The following BCAS3 variants were observed in gnomAD, a reference collection of about 807,000 sequenced individuals.
The protein encoded by BCAS3 is BCAS4/BCAS3 fusion.
In BCAS3, 53 loss-of-function variants were observed where a neutral mutation model predicts 116.1. That is an observed-to-expected ratio of 0.46 (90% CI 0.37 to 0.57). BCAS3 has a LOEUF of 0.57. Among genes scored for constraint, BCAS3 ranks in the 20% least tolerant of loss-of-function variants. BCAS3 has a pLI of 0.00. For missense variants in BCAS3, 917 were observed against 1,165.4 expected (o/e 0.79, Z 3.10); for synonymous variants, 391 against 408.2 (o/e 0.96, Z 0.51).
rs35764675 is a variant in BCAS3, at chr17:61,173,449, C to CAA, written c.2425+88897_2425+88898dup. Among the ~76,000 whole-genome samples, 125 of 138,146 alleles carry CAA rather than the reference C, an allele frequency of 9.0e-4. 1 individual carries two copies. Among genetic ancestry groups the CAA allele is most frequent in the East Asian group, 1.6e-3 (8 of 4,938 alleles). The allele number at this position is 138,146 out of a possible 152,430, so 90.6% of individuals were successfully genotyped here. ...GGGTGACAAAGCAAGACTCTGTCTCCAAAAAAAAAAAAATTGTTTTGAACT... is the reference window on the plus strand; with the variant it reads ...GGGTGACAAAGCAAGACTCTGTCTCCAAAAAAAAAAAAAAATTGTTTTGAACT... On this transcript the variant is annotated intron_variant, in intron 22 of 23. Coordinates refer to ENST00000407086, the MANE Select transcript of BCAS3 (RefSeq NM_017679.5).
chr17:61,307,968 T>A lies in BCAS3; in HGVS notation c.2426-60359T>A, dbSNP rs185215252. 5.3e-5 allele frequency among the ~76,000 whole-genome samples: 8 copies of A among 152,302 alleles called. No individual in the cohort carries two copies. Among genetic ancestry groups the A allele is most frequent in the African/African-American group, 1.7e-4 (7 of 41,564 alleles). On this transcript the variant is annotated intron_variant, in intron 22 of 23. Transcript: ENST00000407086. This position sits in a 1 kb window ranked among gnomAD's most constrained non-coding sequence, Gnocchi z 4.7. The stretch of plus-strand genomic sequence containing the variant: ...CAAGATTTTCCAAGCACTCATTAAA[T>A]TGAGCAGAGAAGTAATCTATTTCAT...
chr17:61,187,067 A>T (rs574681822), intron 22 of BCAS3, among the ~76,000 whole-genome samples: 11 of 152,328 alleles, frequency 7.2e-5, no homozygotes, highest in African/African-American at 2.6e-4. Flanking sequence ...AGTAGGGGAA[A>T]AAAATGAAGT....
chr17:61,121,568 A>G (rs781348921), intron 22 of BCAS3, among the ~76,000 whole-genome samples: 2 of 152,342 alleles, frequency 1.3e-5, no homozygotes, highest in Middle Eastern at 3.4e-3. Flanking sequence ...ATACAACTTT[A>G]TGGTATTCAT....
intron 5 of BCAS3, among the ~76,000 whole-genome samples, chr17:60,744,120 C>T (rs908697828): frequency 2.6e-5 from 4 of 152,144 alleles, no homozygotes; most frequent in Non-Finnish European, 5.9e-5. Context: ...TCTCCCTGTT[C>T]GCTCTTCTCC....
At chr17:60,826,818 A>G (rs1202418051) in intron 7 of BCAS3, among the ~76,000 whole-genome samples, 2 of 152,240 alleles carry the variant, frequency 1.3e-5, no homozygotes, top group African/African-American at 4.8e-5. Context: ...ATAGTAGTCT[A>G]TAATGTATAT....
intron 6 of BCAS3, among the ~76,000 whole-genome samples, chr17:60,767,616 G>C (rs1237962595): frequency 6.6e-6 from 1 of 151,816 alleles, no homozygotes; most frequent in Non-Finnish European, 1.5e-5. Flanking sequence ...CAAAGTGCTG[G>C]GATTACAGAT....
At chr17:60,770,150 T>G (rs2044517484) in intron 6 of BCAS3, among the ~76,000 whole-genome samples, 1 of 152,106 alleles carries the variant, frequency 6.6e-6, no homozygotes. Flanking sequence ...GTTCTCTCTC[T>G]GCAGCAATGC....
At chr17:61,353,826 A>G (rs1684338521) in intron 22 of BCAS3, 1 of 152,240 alleles carries the variant, frequency 6.6e-6, no homozygotes, top group Non-Finnish European at 1.5e-5. Context: ...TGACATGTCA[A>G]GGCAGGAAAT....
intron 6 of BCAS3, among the ~76,000 whole-genome samples, chr17:60,789,808 G>A (rs186716521): frequency 6.6e-6 from 1 of 152,254 alleles, no homozygotes; most frequent in Admixed American, 6.5e-5. Flanking sequence ...TATTTATACT[G>A]CAGGAAAAAA....
chr17:61,002,067 A>G (rs576151226), intron 15 of BCAS3, among the ~76,000 whole-genome samples: 15 of 152,288 alleles, frequency 9.8e-5, no homozygotes, highest in African/African-American at 2.2e-4. Context: ...AGAAAGGTAT[A>G]GATAACGTAG....
intron 11 of BCAS3, among the ~76,000 whole-genome samples, chr17:60,909,381 C>G (rs1481495564): frequency 6.6e-6 from 1 of 151,968 alleles, no homozygotes; most frequent in African/African-American, 2.4e-5. Context: ...CAAATTTAGC[C>G]ATAGCATGTG....
intron 19 of BCAS3, among the ~76,000 whole-genome samples, chr17:61,052,715 C>CTTTCTTTT (rs781028474): frequency 1.6e-5 from 2 of 124,948 alleles, no homozygotes; most frequent in African/African-American, 5.7e-5. Context: ...TTCTTTCTTT[C>CTTTCTTTT]TTTTTTTTTT....
chr17:61,116,221 C>T (rs2075433690), intron 22 of BCAS3, among the ~76,000 whole-genome samples: 1 of 149,852 alleles, frequency 6.7e-6, no homozygotes, highest in Admixed American at 6.7e-5. Flanking sequence ...TGCGCATGTA[C>T]CCTAAAACTT....
intron 10 of BCAS3, among the ~76,000 whole-genome samples, chr17:60,895,237 A>G (rs1052184273): frequency 6.6e-6 from 1 of 152,078 alleles, no homozygotes; most frequent in Non-Finnish European, 1.5e-5. Context: ...CTCACTACTC[A>G]TTATTGGTCT....
At chr17:60,702,590 G>T (rs2036557047) in intron 4 of BCAS3, among the ~76,000 whole-genome samples, 1 of 151,956 alleles carries the variant, frequency 6.6e-6, no homozygotes, top group South Asian at 2.1e-4. Flanking sequence ...AAAAAGAAAA[G>T]GAATTTTTTT....
intron 7 of BCAS3, among the ~76,000 whole-genome samples, chr17:60,823,334 A>G (rs2050117602): frequency 6.6e-6 from 1 of 152,162 alleles, no homozygotes; most frequent in South Asian, 2.1e-4. Flanking sequence ...AAAAAGGGTG[A>G]GGGGAATGGT....
intron 23 of BCAS3, among the ~76,000 whole-genome samples, chr17:61,370,539 C>T (rs1349151991): frequency 1.3e-5 from 2 of 152,164 alleles, no homozygotes; most frequent in Non-Finnish European, 2.9e-5. Flanking sequence ...CAGGCGCCCG[C>T]TACCACGCCC....
At chr17:61,110,034 G>C (rs923723495) in intron 22 of BCAS3, among the ~76,000 whole-genome samples, 1 of 152,136 alleles carries the variant, frequency 6.6e-6, no homozygotes, top group Non-Finnish European at 1.5e-5. Context: ...GTCTAGAAGG[G>C]TTTCTTCTGA....
In BCAS3 at chr17:61,095,017, G is replaced by A. The variant is rs1384056191; in HGVS notation, c.2425+10453G>A. Among the ~76,000 whole-genome samples the A allele has an allele frequency of 6.6e-6, 1 of 152,154 alleles. No individual in the cohort carries two copies. The highest frequency in any genetic ancestry group is 1.5e-5 in the Non-Finnish European group (1 of 68,026). On this transcript the variant is annotated intron_variant, in intron 22 of 23. Coordinates refer to ENST00000407086, the MANE Select transcript of BCAS3 (RefSeq NM_017679.5). This position sits in a 1 kb window ranked among gnomAD's most constrained non-coding sequence, Gnocchi z 4.7. Reference sequence around the variant, plus strand: ...AGGACTCATTCCAAATGCAAGATAGGACAAAGGATTTTAATGTAATAGAAT... The same window carrying A: ...AGGACTCATTCCAAATGCAAGATAGAACAAAGGATTTTAATGTAATAGAAT...
Sources: allele counts gnomAD v4.1 joint callset (sites outside exome capture counted in the v4.1 genomes callset), GRCh38; gene constraint gnomAD v4.1.1; non-coding constraint Gnocchi (gnomAD v3.1); transcripts MANE v1.5; gene names NCBI Gene and HGNC (gene_info 2026-07-23, HGNC 2026-07-21).